Variants in ARID4A observed in about 807,000 individuals in gnomAD.
The protein encoded by ARID4A is AT-rich interaction domain 4A, also known as AT-rich interactive domain-containing protein 4A.
A neutral mutation model predicts 148.6 loss-of-function variants in ARID4A; 39 were observed. That is an observed-to-expected ratio of 0.26 (90% CI 0.20 to 0.34). The LOEUF (loss-of-function observed/expected upper bound fraction) is 0.34. ARID4A is among the 10% of genes least tolerant of loss of function. ARID4A has a pLI of 1.00. For synonymous variants in ARID4A, 475 were observed against 481.2 expected, an observed-to-expected ratio of 0.99 and a Z score of 0.17; for missense variants, 1,265 against 1,449.1, an observed-to-expected ratio of 0.87 and a Z score of 2.06.
At chr14:58,321,903 G>C (rs1223462068) in intron 7 of ARID4A, among the ~76,000 whole-genome samples, 1 of 152,010 alleles carries the variant, frequency 6.6e-6, no homozygotes, top group Non-Finnish European at 1.5e-5. Context: ...GTAATGTCTT[G>C]CTGGTTTTTG....
chr14:58,335,031 T>C lies in ARID4A; in HGVS notation c.906+4862T>C, dbSNP rs549109715. ...ACTCTTAACTCACTGTAGTGTGTCT[T>C]GATTTCCCACAACTAAAACAACTTT... is the stretch of plus-strand genomic sequence containing the variant. On this transcript the variant is annotated intron_variant, in intron 11 of 23. Transcript: ENST00000355431. Among the ~76,000 whole-genome samples, 5 of 152,310 alleles carry C rather than the reference T, an allele frequency of 3.3e-5. No individual in the cohort carries two copies. The East Asian group carries it at 7.7e-4, about 24-fold the overall frequency.
intron 7 of ARID4A, among the ~76,000 whole-genome samples, chr14:58,319,763 G>A (rs959070673): frequency 3.3e-5 from 5 of 150,410 alleles, no homozygotes; most frequent in African/African-American, 9.8e-5. Flanking sequence ...AATGGGTTTC[G>A]AACTCCTGAC....
chr14:58,352,763 A>T (rs2034695315), intron 16 of ARID4A, among the ~76,000 whole-genome samples: 1 of 152,170 alleles, frequency 6.6e-6, no homozygotes, highest in South Asian at 2.1e-4. Flanking sequence ...TGAGCTTTTA[A>T]TGCTTGTGAC....
chr14:58,365,356 T>TTGAG, intron 20 of ARID4A, 56 bp downstream of exon 20: 6 of 1,532,772 alleles, frequency 3.9e-6, no homozygotes, highest in Non-Finnish European at 5.3e-6. Flanking sequence ...ATCAAAACTG[T>TTGAG]TGAGTTTCAG....
chr14:58,312,573 T>C (rs1379554375), intron 5 of ARID4A, among the ~76,000 whole-genome samples: 3 of 152,232 alleles, frequency 2.0e-5, no homozygotes, highest in African/African-American at 7.2e-5. Context: ...TCCGTATGTT[T>C]TAAATTTTAA....
At chr14:58,354,185 GGAAAACAA>G (rs1368484590) in intron 17 of ARID4A, among the ~76,000 whole-genome samples, 2 of 152,140 alleles carry the variant, frequency 1.3e-5, no homozygotes, top group African/African-American at 4.8e-5. Flanking sequence ...ACCATCTTTG[GGAAAACAA>G]TAATTCATAA....
At chr14:58,367,309 A>C (rs1272776986) in intron 23 of ARID4A, among the ~76,000 whole-genome samples, 2 of 152,244 alleles carry the variant, frequency 1.3e-5, no homozygotes, top group Admixed American at 1.3e-4. Context: ...CTCTTTGCTC[A>C]AACATTTATT....
chr14:58,304,904 T>C lies in ARID4A; in HGVS notation c.118-40T>C, dbSNP rs549328699. 249 of 1,522,478 alleles carry C rather than the reference T, an allele frequency of 1.6e-4. 4 individuals are homozygous for C. The South Asian group carries it at 2.7e-3, about 17-fold the overall frequency. 94.3% of individuals were successfully genotyped at this position (1,522,478 alleles called of 1,614,324 possible). ...AGTGTTACTATAAATGTATTTGTTT[T>C]AAAAGTAATATGCAAATTATTGTGC... On this transcript the variant is annotated intron_variant, in intron 3 of 23. Coordinates refer to ENST00000355431, the MANE Select transcript of ARID4A (RefSeq NM_002892.4).
chr14:58,357,925 AGGTGCAATGGCTCATGCCT>A (rs1443349178), intron 17 of ARID4A, among the ~76,000 whole-genome samples: 2 of 152,216 alleles, frequency 1.3e-5, no homozygotes, highest in East Asian at 3.8e-4. Flanking sequence ...TGAGAAGGCC[AGGTGCAATGGCTCATGCCT>A]GTAATCCTAG....
At chr14:58,350,344 C>G (rs1273184258) in intron 15 of ARID4A, among the ~76,000 whole-genome samples, 1 of 152,078 alleles carries the variant, frequency 6.6e-6, no homozygotes, top group African/African-American at 2.4e-5. Context: ...GGCTCTTTAT[C>G]TGCTTTATTC....
intron 23 of ARID4A, among the ~76,000 whole-genome samples, chr14:58,370,906 C>G (rs1000417342): frequency 6.6e-6 from 1 of 152,162 alleles, no homozygotes; most frequent in Non-Finnish European, 1.5e-5. Flanking sequence ...CCAACATGCC[C>G]AGCTTATTAT....
chr14:58,337,246 T>TTATATATATATATATATATATATATG (rs57605969), intron 11 of ARID4A, among the ~76,000 whole-genome samples: 2 of 83,818 alleles, frequency 2.4e-5, no homozygotes, highest in African/African-American at 8.3e-5. Flanking sequence ...TTCTCTTTAT[T>TTATATATATATATATATATATATATG]TATATATATA....
intron 23 of ARID4A, among the ~76,000 whole-genome samples, chr14:58,367,995 A>G (rs2035430336): frequency 6.6e-6 from 1 of 152,108 alleles, no homozygotes; most frequent in African/African-American, 2.4e-5. Flanking sequence ...GATGCTGAAA[A>G]ATGGGATTGG....
chr14:58,338,028 C>G (rs934304615), intron 11 of ARID4A, among the ~76,000 whole-genome samples: 2 of 152,130 alleles, frequency 1.3e-5, no homozygotes, highest in African/African-American at 4.8e-5. Context: ...AGATATTGTT[C>G]AGAAGGTGCT....
chr14:58,318,467 T>C, intron 5 of ARID4A, 75 bp from the exon 6 acceptor site: 1 of 1,368,690 alleles, frequency 7.3e-7, no homozygotes, highest in Non-Finnish European at 1.0e-6. Flanking sequence ...TTAATAGCAA[T>C]AATAGCATTC....
chr14:58,358,917 C>T (rs962271472), intron 17 of ARID4A, among the ~76,000 whole-genome samples: 3 of 152,126 alleles, frequency 2.0e-5, no homozygotes, highest in African/African-American at 7.2e-5. Flanking sequence ...TTAAGAAATC[C>T]TCTTGCCTTT....
intron 17 of ARID4A, among the ~76,000 whole-genome samples, chr14:58,357,727 G>C (rs1296079643): frequency 6.6e-6 from 1 of 151,484 alleles, no homozygotes; most frequent in Non-Finnish European, 1.5e-5. Flanking sequence ...GACATTCCTG[G>C]TCTAAAGCAA....
chr14:58,337,551 C>T (rs2033896605), intron 11 of ARID4A, among the ~76,000 whole-genome samples: 1 of 151,958 alleles, frequency 6.6e-6, no homozygotes, highest in Admixed American at 6.6e-5. Flanking sequence ...AGAAAGTTCA[C>T]CTTGGCAGGG....
At position 58,328,264 on chromosome 14, in the gene ARID4A, A is replaced by T; in HGVS notation, c.610A>T (p.Ile204Phe). 1 of 1,603,316 alleles carries T rather than the reference A, an allele frequency of 6.2e-7. No homozygotes were observed. Among genetic ancestry groups the T allele is most frequent in the Non-Finnish European group, 8.5e-7 (1 of 1,170,608 alleles). The change falls in exon 9 of 24, where the codon ATC (isoleucine) becomes TTC (phenylalanine). Residue 204 changes from isoleucine (I) to phenylalanine (F), a missense_variant. Around this residue, in one of 9 missense-constraint regions of ARID4A, gnomAD observed 249 missense variants for 277.2 expected, o/e 0.90. Transcript: ENST00000355431. ...AATATCTCCCAGCTGTAATGATGAC[A>T]TCACAGTGAAAAAGGATCAGTGTTT... ...LVISPSCNDD[I>F]TVKKDQCLVR...
Sources: allele counts gnomAD v4.1 joint callset (sites outside exome capture counted in the v4.1 genomes callset), GRCh38; gene constraint gnomAD v4.1.1; regional missense constraint gnomAD v4.1.1; transcripts MANE v1.5; gene names NCBI Gene and HGNC (gene_info 2026-07-23, HGNC 2026-07-21).